The following DACH2 variants were observed in gnomAD, a reference collection of about 807,000 sequenced individuals.
DACH2 encodes dachshund family transcription factor 2, also known as dachshund homolog 2.
Under a neutral mutation model 35.8 loss-of-function variants are expected in DACH2, and 17 were observed. The observed-to-expected ratio is 0.48, with a 90% CI of 0.33 to 0.71. The LOEUF (loss-of-function observed/expected upper bound fraction) is 0.71. Among genes scored for constraint, DACH2 ranks in the 30% least tolerant of loss-of-function variants. DACH2 has a pLI of 0.02. For missense variants in DACH2, 469 were observed against 472.7 expected (o/e 0.99, Z 0.07); for synonymous variants, 195 against 177.3 (o/e 1.10, Z -0.79).
At chrX:86,755,595 T>C (rs1178541588) in intron 7 of DACH2, among the ~76,000 whole-genome samples, 1 of 45,981 alleles carries the variant, frequency 2.2e-5, no homozygotes, top group Admixed American at 1.8e-4. Context: ...TTGACCTAAT[T>C]TTTTTTTTTT....
chrX:86,534,998 C>T (rs776364667), intron 3 of DACH2, among the ~76,000 whole-genome samples: 2 of 111,906 alleles, frequency 1.8e-5, no homozygotes, highest in Non-Finnish European at 3.8e-5. Flanking sequence ...TCACAATGAA[C>T]AAATTTATAA....
intron 2 of DACH2, among the ~76,000 whole-genome samples, chrX:86,463,338 G>T (rs1389981364): frequency 1.8e-5 from 2 of 110,054 alleles, no homozygotes; most frequent in Non-Finnish European, 3.8e-5. Flanking sequence ...CAAATAAAAA[G>T]TAAGACGTGT....
chrX:86,167,179 T>A (rs919537698), intron 1 of DACH2, among the ~76,000 whole-genome samples: 4 of 111,594 alleles, frequency 3.6e-5, no homozygotes, highest in Non-Finnish European at 7.6e-5. Flanking sequence ...CAGTGAAGGC[T>A]TCACGTCCCA....
chrX:86,443,986 G>A (rs1393222219), intron 2 of DACH2, among the ~76,000 whole-genome samples: 3 of 111,532 alleles, frequency 2.7e-5, no homozygotes, highest in Non-Finnish European at 3.8e-5. Flanking sequence ...TCTGATTTTG[G>A]TATTATGGTA....
chrX:86,608,978 T>C (rs899184712), intron 3 of DACH2, among the ~76,000 whole-genome samples: 1 of 111,633 alleles, frequency 9.0e-6, no homozygotes, highest in Non-Finnish European at 1.9e-5. Context: ...TTTAGTTTTC[T>C]ATAATATCCT....
intron 2 of DACH2, among the ~76,000 whole-genome samples, chrX:86,461,769 A>C (rs918101186): frequency 9.0e-6 from 1 of 111,689 alleles, no homozygotes; most frequent in South Asian, 3.6e-4. Context: ...GCAAAAAACA[A>C]ACAGAAAAAT....
At chrX:86,595,080 T>C (rs2039695578) in intron 3 of DACH2, among the ~76,000 whole-genome samples, 1 of 111,296 alleles carries the variant, frequency 9.0e-6, no homozygotes, top group Non-Finnish European at 1.9e-5. Flanking sequence ...TTATCTGAAA[T>C]TGATATAGCT....
chrX:86,587,077 C>T (rs193287134), intron 3 of DACH2, among the ~76,000 whole-genome samples: 108 of 111,822 alleles, frequency 9.7e-4, no homozygotes, highest in African/African-American at 3.0e-3. Flanking sequence ...TTTGTGTCAT[C>T]TCTGATTTCT....
intron 7 of DACH2, among the ~76,000 whole-genome samples, chrX:86,786,987 C>T (rs1182301150): frequency 9.0e-6 from 1 of 111,307 alleles, no homozygotes; most frequent in Non-Finnish European, 1.9e-5. Context: ...CACAAACTCT[C>T]TCTTTGCCTC....
intron 1 of DACH2, among the ~76,000 whole-genome samples, chrX:86,238,306 T>C (rs955650043): frequency 1.8e-5 from 2 of 111,878 alleles, no homozygotes; most frequent in Non-Finnish European, 3.8e-5. Context: ...ATATTTTAAA[T>C]AGTGGCATTG....
intron 1 of DACH2, among the ~76,000 whole-genome samples, chrX:86,159,829 C>T (rs1460999855): frequency 9.0e-6 from 1 of 111,288 alleles, no homozygotes; most frequent in Non-Finnish European, 1.9e-5. Flanking sequence ...ATTAAAATAA[C>T]ATTGATTTGG....
intron 2 of DACH2, among the ~76,000 whole-genome samples, chrX:86,402,815 T>A (rs1160309097): frequency 8.9e-6 from 1 of 111,935 alleles, no homozygotes; most frequent in South Asian, 3.7e-4. Flanking sequence ...AAAAAAGCAA[T>A]GTATTGTTAC....
At chrX:86,764,460 A>G (rs141797598) in intron 7 of DACH2, among the ~76,000 whole-genome samples, 100 of 111,472 alleles carry the variant, frequency 9.0e-4, no homozygotes, top group African/African-American at 2.4e-3. Context: ...GCTCCAACTT[A>G]TAAGTGTTAA....
At chrX:86,453,959 G>A (rs948689018) in intron 2 of DACH2, among the ~76,000 whole-genome samples, 1 of 111,857 alleles carries the variant, frequency 8.9e-6, no homozygotes, top group Admixed American at 9.5e-5. Context: ...AGGATCTCTT[G>A]CAAAGCAGGC....
At chrX:86,430,991 C>G (rs1394289562) in intron 2 of DACH2, among the ~76,000 whole-genome samples, 2 of 111,916 alleles carry the variant, frequency 1.8e-5, no homozygotes, top group African/African-American at 6.5e-5. Context: ...AGCATTAATT[C>G]TGTTGTGAGT....
rs919030899 is a variant in DACH2 at position 86,736,064 on chromosome X, T to TAA, written c.1105-3678_1105-3677dup. Among the ~76,000 whole-genome samples, 3 of 111,374 alleles carry TAA rather than the reference T, an allele frequency of 2.7e-5. No individual in the cohort carries two copies. The Admixed American group carries it at 2.9e-4, about 11-fold the overall frequency. On this transcript the variant is annotated intron_variant, in intron 6 of 11. Transcript: ENST00000373125. ...AATAGATGCATACTTATTACAGGGC[T>TAA]AAAAAATTGATCTGTTTACTTGCAA...
intron 2 of DACH2, among the ~76,000 whole-genome samples, chrX:86,442,922 C>G (rs1431149620): frequency 9.0e-6 from 1 of 111,405 alleles, no homozygotes; most frequent in Non-Finnish European, 1.9e-5. Context: ...CTTTTCTGTC[C>G]CATGGGTCTA....
chrX:86,792,617 C>A (rs1215988712), intron 7 of DACH2, among the ~76,000 whole-genome samples: 2 of 111,580 alleles, frequency 1.8e-5, no homozygotes, highest in Non-Finnish European at 3.8e-5. Context: ...TGGGTGATAG[C>A]ATATAATATT....
chrX:86,415,573 C>A (rs2148149909), intron 2 of DACH2, among the ~76,000 whole-genome samples: 1 of 111,773 alleles, frequency 8.9e-6, no homozygotes, highest in Non-Finnish European at 1.9e-5. Flanking sequence ...GTAGCTTTTT[C>A]TTTAAGTCCT....
Sources: gnomAD v4.1 joint callset for allele counts (sites outside exome capture counted in the v4.1 genomes callset) on GRCh38, gnomAD v4.1.1 for gene constraint, MANE v1.5 for transcripts, NCBI Gene and HGNC (gene_info 2026-07-23, HGNC 2026-07-21) for gene names.